SOX9: variants seen among roughly 807,000 people sequenced by gnomAD.
The protein encoded by SOX9 is transcription factor SOX-9.
Under a neutral mutation model 44.8 loss-of-function variants are expected in SOX9, and 2 were observed. That is an observed-to-expected ratio of 0.04 (90% CI 0.02 to 0.14). The LOEUF (loss-of-function observed/expected upper bound fraction) is 0.14, where lower values mean the gene tolerates loss of function less well. Among genes scored for constraint, SOX9 ranks in the 10% least tolerant of loss-of-function variants. The pLI, the probability that SOX9 is intolerant of heterozygous loss-of-function variation, is 1.00. For synonymous variants in SOX9, 381 were observed against 331.8 expected (o/e 1.15, Z -1.61); for missense variants, 583 against 728.6 (o/e 0.80, Z 2.30).
intron 1 of SOX9, among the ~76,000 whole-genome samples, chr17:72,122,140 CG>C (rs1056271395): frequency 1.3e-5 from 2 of 152,038 alleles, no homozygotes; most frequent in African/African-American, 4.8e-5. Flanking sequence ...GAAGCTCAAT[CG>C]GGGCGGGGAA....
At chr17:72,122,614 G>T (rs1908134041) in intron 1 of SOX9, 105 bp from the exon 2 acceptor site, 3 of 1,034,802 alleles carry the variant, frequency 2.9e-6, no homozygotes, top group African/African-American at 1.6e-5. Flanking sequence ...AGAGGAAGCC[G>T]AGTGGTCTGG....
In SOX9 at chr17:72,124,220, G is replaced by C. The variant is rs761310703; in HGVS notation, c.1363G>C (p.Ala455Pro). The C allele has an allele frequency of 6.2e-7, 1 of 1,612,588 alleles. No homozygotes were observed. The highest frequency in any genetic ancestry group is 1.1e-5 in the South Asian group (1 of 90,902). ...HQNSSSYYSH[A>P]AGQGTGLYST... ...GAACTCCAGCTCCTACTACAGCCAC[G>C]CGGCAGGCCAGGGCACCGGCCTCTA... Residue 455 changes from alanine to proline, a missense_variant, in exon 3 of 3, where the codon GCG becomes CCG. By Grantham distance (27) the Ala-to-Pro change is conservative (BLOSUM62 -1). Transcript: ENST00000245479. This position sits in a 1 kb window ranked among gnomAD's most constrained non-coding sequence, Gnocchi z 4.6.
chr17:72,123,929 G>T lies in SOX9; in HGVS notation c.1072G>T (p.Ala358Ser). 7.7e-6 allele frequency: 10 copies of T among 1,291,116 alleles called. No homozygotes were observed. Among genetic ancestry groups the T allele is most frequent in the Non-Finnish European group, 9.7e-6 (10 of 1,027,810 alleles). 80.0% of individuals were successfully genotyped at this position (1,291,116 alleles called of 1,614,324 possible). A position where few individuals can be genotyped will look rare whatever the true frequency, so the allele number is the denominator to read the frequency against. ...CCCACAGGCCCCGCCGGCCCCGCAG[G>T]CGCCCCCGCAGCCGCAGGCGGCGCC... ...QPPQAPPAPQ[A>S]PPQPQAAPPQ... is the part of the protein sequence containing the mutation. The change falls in exon 3 of 3, where the codon GCG becomes TCG. Residue 358 changes from alanine (A) to serine (S), a missense_variant. Coordinates refer to ENST00000245479, the MANE Select transcript of SOX9 (RefSeq NM_000346.4). This position sits in a 1 kb window ranked among gnomAD's most constrained non-coding sequence, Gnocchi z 6.5.
Position 72,121,190 on chromosome 17 carries a change from A to C in SOX9, c.-202A>C. The C allele has an allele frequency of 1.7e-6, 1 of 585,448 alleles. No homozygotes were observed. The highest frequency in any genetic ancestry group is 3.1e-5 in the Admixed American group (1 of 32,084). The allele number at this position is 585,448 out of a possible 1,614,324, so 36.3% of individuals were successfully genotyped here. A position where few individuals can be genotyped will look rare whatever the true frequency, so the allele number is the denominator to read the frequency against. On this transcript the variant is annotated 5_prime_UTR_variant, in exon 1 of 3. Transcript: ENST00000245479. This position sits in a 1 kb window ranked among gnomAD's most constrained non-coding sequence, Gnocchi z 8.3. ...CCTCCTCTCCAATTCGCCTCCCCCCACTTGGAGCGGGCAGCTGTGAACTGG... is the reference window on the plus strand; with the variant it reads ...CCTCCTCTCCAATTCGCCTCCCCCCCCTTGGAGCGGGCAGCTGTGAACTGG...
In SOX9 at chr17:72,125,762, TTTTC is replaced by T. The variant is rs1178772638; in HGVS notation, c.*1379_*1382del. On this transcript the variant is annotated 3_prime_UTR_variant, in exon 3 of 3. Transcript: ENST00000245479. The stretch of plus-strand genomic sequence containing the variant: ...ATAAATGCCTTTTTGTCCATCCCTT[TTTTC>T]TTTGTTGTTTTTGTTGAAAACAAAC... 1 of 227,540 alleles carries T rather than the reference TTTTC, an allele frequency of 4.4e-6. No individual in the cohort carries two copies. The highest frequency in any genetic ancestry group is 8.7e-6 in the Non-Finnish European group (1 of 114,308). 14.1% of individuals were successfully genotyped at this position (227,540 alleles called of 1,614,324 possible).
At position 72,124,614 on chromosome 17, in the gene SOX9, G is replaced by A; in HGVS notation, c.*227G>A. On this transcript the variant is annotated 3_prime_UTR_variant, in exon 3 of 3. Transcript: ENST00000245479. The surrounding 1 kb of genome is among the most constrained non-coding windows in gnomAD (Gnocchi z 4.6). ...CTATCCAAGCGCATTACCCACTTGT[G>A]GCCAATCAGTGGCCAGGCCAACCTT... 3 of 618,938 alleles carry A rather than the reference G, an allele frequency of 4.8e-6. No individual in the cohort carries two copies. The highest frequency in any genetic ancestry group is 8.6e-6 in the Non-Finnish European group (3 of 350,828). The allele number at this position is 618,938 out of a possible 1,614,324, so 38.3% of individuals were successfully genotyped here.
Position 72,121,327 on chromosome 17 carries a change from G to T in SOX9, c.-65G>T, listed in dbSNP as rs1322299079. ...CCGAGGGGAGAGGAGCCCGCGCCTC[G>T]AGTCCCCGAGCCGCCGCGGCTTCTC... On this transcript the variant is annotated 5_prime_UTR_variant, in exon 1 of 3. Transcript: ENST00000245479. The surrounding 1 kb of genome is among the most constrained non-coding windows in gnomAD (Gnocchi z 8.3). 6.8e-7 allele frequency: 1 copy of T among 1,475,348 alleles called. No individual in the cohort carries two copies. Among genetic ancestry groups the T allele is most frequent in the East Asian group, 2.3e-5 (1 of 43,730 alleles). 91.4% of individuals were successfully genotyped at this position (1,475,348 alleles called of 1,614,324 possible).
In SOX9 at chr17:72,123,744, A is replaced by G. The variant is rs961884103; in HGVS notation, c.887A>G (p.Gln296Arg). ...IETFDVNEFD[Q>R]YLPPNGHPGV... Reference sequence around the variant, plus strand: ...ACCTTCGATGTCAACGAGTTTGACCAGTACCTGCCGCCCAACGGCCACCCG... The same window carrying G: ...ACCTTCGATGTCAACGAGTTTGACCGGTACCTGCCGCCCAACGGCCACCCG... The change falls in exon 3 of 3, where the codon CAG becomes CGG. Residue 296 changes from glutamine to arginine, a missense_variant. By Grantham distance (43) the Gln-to-Arg change is conservative. Coordinates refer to ENST00000245479, the MANE Select transcript of SOX9 (RefSeq NM_000346.4). This position sits in a 1 kb window ranked among gnomAD's most constrained non-coding sequence, Gnocchi z 6.5. The G allele has an allele frequency of 6.2e-7, 1 of 1,613,774 alleles. No individual in the cohort carries two copies. Among genetic ancestry groups the G allele is most frequent in the Non-Finnish European group, 8.5e-7 (1 of 1,179,956 alleles).
chr17:72,123,830 G>T lies in SOX9; in HGVS notation c.973G>T (p.Ala325Ser). Residue 325 changes from alanine to serine, a missense_variant, in exon 3 of 3, where the codon GCG (alanine) becomes TCG (serine). Ala to Ser is a moderately conservative substitution (Grantham distance 99). This residue lies in a region of SOX9 where 349 missense variants were observed against 387.0 expected (regional missense o/e 0.90). Transcript: ENST00000245479. This position sits in a 1 kb window ranked among gnomAD's most constrained non-coding sequence, Gnocchi z 6.5. ...YTGSYGISSTAATPASAGHVW... is the reference protein window; with the variant it reads ...YTGSYGISSTSATPASAGHVW... ...GGGCAGCTACGGCATCAGCAGCACC[G>T]CGGCCACCCCGGCGAGCGCGGGCCA... The T allele has an allele frequency of 1.2e-6, 2 of 1,607,130 alleles. No individual in the cohort carries two copies. Among genetic ancestry groups the T allele is most frequent in the Middle Eastern group, 1.7e-4 (1 of 6,046 alleles).
At position 72,124,057 on chromosome 17, in the gene SOX9, GCAGCTGAGCCCCAGC is replaced by G; in HGVS notation, c.1203_1217del (p.Gln401_Ser405del). ...CCCAGCGAACGCACATCAAGACGGA[GCAGCTGAGCCCCAGC>G]CACTACAGCGAGCAGCAGCAGCACT... On this transcript the variant is annotated inframe_deletion, in exon 3 of 3. Transcript: ENST00000245479. This position sits in a 1 kb window ranked among gnomAD's most constrained non-coding sequence, Gnocchi z 4.6. 6.2e-7 allele frequency: 1 copy of G among 1,612,982 alleles called. No homozygotes were observed. The highest frequency in any genetic ancestry group is 8.5e-7 in the Non-Finnish European group (1 of 1,179,588).
In SOX9 at chr17:72,123,706, C is replaced by G. The variant is rs1213053148; in HGVS notation, c.849C>G (p.Ile283Met). ...TCGGCGAGCTGAGCAGCGACGTCAT[C>G]TCCAACATCGAGACCTTCGATGTCA... ...VDIGELSSDV[I>M]SNIETFDVNE... is the part of the protein sequence containing the mutation. The change falls in exon 3 of 3, where the codon ATC becomes ATG. Residue 283 changes from isoleucine to methionine, a missense_variant. Ile to Met is a conservative substitution (Grantham distance 10, BLOSUM62 1). Coordinates refer to ENST00000245479, the MANE Select transcript of SOX9 (RefSeq NM_000346.4). The surrounding 1 kb of genome is among the most constrained non-coding windows in gnomAD (Gnocchi z 6.5). 22 of 1,613,938 alleles carry G rather than the reference C, an allele frequency of 1.4e-5. No individual in the cohort carries two copies. Among genetic ancestry groups the G allele is most frequent in the Non-Finnish European group, 1.7e-5 (20 of 1,179,982 alleles).
At position 72,124,313 on chromosome 17, in the gene SOX9, G is replaced by C. The variant is rs1287394939; in HGVS notation, c.1456G>C (p.Val486Leu). 1 of 1,606,142 alleles carries C rather than the reference G, an allele frequency of 6.2e-7. No individual in the cohort carries two copies. Among genetic ancestry groups the C allele is most frequent in the Non-Finnish European group, 8.5e-7 (1 of 1,179,954 alleles). ...CACCCCCATCGCCGACACCTCTGGGGTCCCTTCCATCCCGCAGACCCACAG... is the reference window on the plus strand; with the variant it reads ...CACCCCCATCGCCGACACCTCTGGGCTCCCTTCCATCCCGCAGACCCACAG... ...MYTPIADTSG[V>L]PSIPQTHSPQ... The change falls in exon 3 of 3, where the codon GTC becomes CTC. Residue 486 changes from valine to leucine, a missense_variant. By Grantham distance (32) the Val-to-Leu change is conservative. Around this residue, in one of 7 missense-constraint regions of SOX9, gnomAD observed 349 missense variants for 387.0 expected, o/e 0.90. Coordinates refer to ENST00000245479, the MANE Select transcript of SOX9 (RefSeq NM_000346.4). This position sits in a 1 kb window ranked among gnomAD's most constrained non-coding sequence, Gnocchi z 4.6.
rs771370458 is a variant in SOX9, at chr17:72,123,993, C to T, written c.1136C>T (p.Ala379Val). The T allele has an allele frequency of 6.3e-7, 1 of 1,598,104 alleles. No individual in the cohort carries two copies. Among genetic ancestry groups the T allele is most frequent in the Non-Finnish European group, 8.5e-7 (1 of 1,173,886 alleles). ...QPAAPPQQPQ[A>V]HTLTTLSSEP... is the part of the protein sequence containing the mutation. Reference sequence around the variant, plus strand: ...GCGGCACCCCCGCAGCAGCCACAGGCGCACACGCTGACCACGCTGAGCAGC... The same window carrying T: ...GCGGCACCCCCGCAGCAGCCACAGGTGCACACGCTGACCACGCTGAGCAGC... Residue 379 changes from alanine to valine, a missense_variant, in exon 3 of 3, where the codon GCG becomes GTG. By Grantham distance (64) the Ala-to-Val change is moderately conservative (BLOSUM62 0). Coordinates refer to ENST00000245479, the MANE Select transcript of SOX9 (RefSeq NM_000346.4). This position sits in a 1 kb window ranked among gnomAD's most constrained non-coding sequence, Gnocchi z 6.5.
At chr17:72,122,624 G>T in intron 1 of SOX9, 95 bp from the exon 2 acceptor site, 2 of 1,248,946 alleles carry the variant, frequency 1.6e-6, no homozygotes, top group Non-Finnish European at 2.3e-6. Flanking sequence ...GAGTGGTCTG[G>T]GTCGCCGCCT....
rs1322299079 is a variant in SOX9, at chr17:72,121,327, G to A, written c.-65G>A. 1 of 1,475,228 alleles carries A rather than the reference G, an allele frequency of 6.8e-7. No homozygotes were observed. The highest frequency in any genetic ancestry group is 9.4e-7 in the Non-Finnish European group (1 of 1,061,358). The allele number at this position is 1,475,228 out of a possible 1,614,324, so 91.4% of individuals were successfully genotyped here. ...CCGAGGGGAGAGGAGCCCGCGCCTC[G>A]AGTCCCCGAGCCGCCGCGGCTTCTC... is the stretch of plus-strand genomic sequence containing the variant. On this transcript the variant is annotated 5_prime_UTR_variant, in exon 1 of 3. Coordinates refer to ENST00000245479, the MANE Select transcript of SOX9 (RefSeq NM_000346.4). This position sits in a 1 kb window ranked among gnomAD's most constrained non-coding sequence, Gnocchi z 8.3.
At position 72,123,479 on chromosome 17, in the gene SOX9, T is replaced by C. The variant is rs1459629089; in HGVS notation, c.686-64T>C. ...CGAGGGAGGGTCCCCGGAGGGTGCCTAAGACTAGGGCGTCTGCACAGCCCT... is the reference window on the plus strand; with the variant it reads ...CGAGGGAGGGTCCCCGGAGGGTGCCCAAGACTAGGGCGTCTGCACAGCCCT... On this transcript the variant is annotated intron_variant, in intron 2 of 2. Coordinates refer to ENST00000245479, the MANE Select transcript of SOX9 (RefSeq NM_000346.4). The surrounding 1 kb of genome is among the most constrained non-coding windows in gnomAD (Gnocchi z 6.5). 25 of 1,610,400 alleles carry C rather than the reference T, an allele frequency of 1.6e-5. No individual in the cohort carries two copies. Among genetic ancestry groups the C allele is most frequent in the Non-Finnish European group, 2.0e-5 (23 of 1,177,930 alleles).
At position 72,125,675 on chromosome 17, in the gene SOX9, T is replaced by A. The variant is rs934087446; in HGVS notation, c.*1288T>A. 4.4e-6 allele frequency: 1 copy of A among 227,708 alleles called. No individual in the cohort carries two copies. The highest frequency in any genetic ancestry group is 2.2e-5 in the African/African-American group (1 of 44,984). 14.1% of individuals were successfully genotyped at this position (227,708 alleles called of 1,614,324 possible). ...ACTGTAACCAGTTTTTTTTTATTTATCTCTTTAATCTTTTTTTATTATTAA... is the reference window on the plus strand; with the variant it reads ...ACTGTAACCAGTTTTTTTTTATTTAACTCTTTAATCTTTTTTTATTATTAA... On this transcript the variant is annotated 3_prime_UTR_variant, in exon 3 of 3. Transcript: ENST00000245479.
At position 72,126,253 on chromosome 17, in the gene SOX9, T is replaced by C. The variant is rs898708870; in HGVS notation, c.*1866T>C. The C allele has an allele frequency of 8.6e-6, 2 of 233,230 alleles. No homozygotes were observed. Among genetic ancestry groups the C allele is most frequent in the African/African-American group, 4.4e-5 (2 of 45,348 alleles). The allele number at this position is 233,230 out of a possible 1,614,324, so 14.4% of individuals were successfully genotyped here. A position where few individuals can be genotyped will look rare whatever the true frequency, so the allele number is the denominator to read the frequency against. On this transcript the variant is annotated 3_prime_UTR_variant, in exon 3 of 3. Coordinates refer to ENST00000245479, the MANE Select transcript of SOX9 (RefSeq NM_000346.4). ...CCTGGCATTTAAATCATATTTTGTC[T>C]TTAGGTAAAAGCTTTGGTTTGTGTT...
chr17:72,124,690 T>G lies in SOX9; in HGVS notation c.*303T>G, dbSNP rs572780583. On this transcript the variant is annotated 3_prime_UTR_variant, in exon 3 of 3. Coordinates refer to ENST00000245479, the MANE Select transcript of SOX9 (RefSeq NM_000346.4). The surrounding 1 kb of genome is among the most constrained non-coding windows in gnomAD (Gnocchi z 4.6). ...GAGAAACTGGACTTTTTAAACCCTC[T>G]TCAGAGCAAGCGTGGAGGATGATGG... The G allele has an allele frequency of 1.7e-4, 89 of 512,496 alleles. 1 individual carries two copies. The highest frequency in any genetic ancestry group is 1.7e-3 in the South Asian group (81 of 47,972). The allele number at this position is 512,496 out of a possible 1,614,324, so 31.7% of individuals were successfully genotyped here. A position where few individuals can be genotyped will look rare whatever the true frequency, so the allele number is the denominator to read the frequency against.
Sources: gnomAD v4.1 joint callset for allele counts (sites outside exome capture counted in the v4.1 genomes callset) on GRCh38, gnomAD v4.1.1 for gene constraint, gnomAD v4.1.1 regional missense constraint, Gnocchi (gnomAD v3.1) non-coding constraint, MANE v1.5 for transcripts, NCBI Gene and HGNC (gene_info 2026-07-23, HGNC 2026-07-21) for gene names.